The following SCGB1D1 variants were observed in gnomAD, a reference collection of about 807,000 sequenced individuals.
The protein encoded by SCGB1D1 is lipophilin A (uteroglobin family member).
A neutral mutation model predicts 8.3 loss-of-function variants in SCGB1D1; 10 were observed. That is an observed-to-expected ratio of 1.21 (90% CI 0.74 to 2.05). The LOEUF (loss-of-function observed/expected upper bound fraction) is 2.05. SCGB1D1 is among the 30% of genes most tolerant of loss of function. The probability of loss-of-function intolerance (pLI) is 0.00; values close to 1 mark genes in which losing one functional copy is unlikely to be tolerated. For synonymous variants in SCGB1D1, 46 were observed against 41.7 expected (o/e 1.10, Z -0.39); for missense variants, 94 against 105.1 (o/e 0.89, Z 0.46).
chr11:62,193,514 T>G lies in SCGB1D1; in HGVS notation c.*86T>G, dbSNP rs936629880. On this transcript the variant is annotated 3_prime_UTR_variant, in exon 3 of 3. Transcript: ENST00000306238. Reference sequence around the variant, plus strand: ...GCAGAATGTAAAGGTTTCAACGTCTTGCTCTAATAAATCACTTGCCCTGAA... The same window carrying G: ...GCAGAATGTAAAGGTTTCAACGTCTGGCTCTAATAAATCACTTGCCCTGAA... 1.7e-6 allele frequency: 2 copies of G among 1,191,656 alleles called. No individual in the cohort carries two copies. Among genetic ancestry groups the G allele is most frequent in the Admixed American group, 3.8e-5 (2 of 52,114 alleles). The allele number at this position is 1,191,656 out of a possible 1,614,324, so 73.8% of individuals were successfully genotyped here.
chr11:62,193,364 G>A (rs536771504), intron 2 of SCGB1D1, 35 bp from the exon 3 acceptor site: 27 of 1,607,294 alleles, frequency 1.7e-5, no homozygotes, highest in Middle Eastern at 1.7e-4. Context: ...CTGCATGACC[G>A]ACCTCACCTT....
Position 62,192,064 on chromosome 11 carries a change from G to A in SCGB1D1, c.64G>A (p.Val22Met), listed in dbSNP as rs1944681837. The A allele has an allele frequency of 6.3e-7, 1 of 1,597,148 alleles. No homozygotes were observed. The highest frequency in any genetic ancestry group is 8.6e-7 in the Non-Finnish European group (1 of 1,169,338). The change falls in exon 2 of 3, where the codon GTG becomes ATG. Residue 22 changes from valine (V) to methionine (M), a missense_variant. Coordinates refer to ENST00000306238, the MANE Select transcript of SCGB1D1 (RefSeq NM_006552.2). ...TTATTCTTTTGCTCCAGCAAATGCAGTGGTCTGCCAAGCTCTTGGTTCTGA... is the reference window on the plus strand; with the variant it reads ...TTATTCTTTTGCTCCAGCAAATGCAATGGTCTGCCAAGCTCTTGGTTCTGA... ...LALCCYRANAVVCQALGSEIT... is the reference protein window; with the variant it reads ...LALCCYRANAMVCQALGSEIT...
Position 62,192,076 on chromosome 11 carries a change from G to A in SCGB1D1, c.76G>A (p.Ala26Thr). ...CYRANAVVCQ[A>T]LGSEITGFLL... ...TCCAGCAAATGCAGTGGTCTGCCAA[G>A]CTCTTGGTTCTGAAATCACAGGCTT... The change falls in exon 2 of 3, where the codon GCT becomes ACT. Residue 26 changes from alanine (A) to threonine (T), a missense_variant. Coordinates refer to ENST00000306238, the MANE Select transcript of SCGB1D1 (RefSeq NM_006552.2). 6.2e-7 allele frequency: 1 copy of A among 1,609,416 alleles called. No homozygotes were observed. Among genetic ancestry groups the A allele is most frequent in the Non-Finnish European group, 8.5e-7 (1 of 1,176,592 alleles).
At chr11:62,192,982 T>TGA (rs1944690743) in intron 2 of SCGB1D1, among the ~76,000 whole-genome samples, 1 of 152,202 alleles carries the variant, frequency 6.6e-6, no homozygotes, top group Non-Finnish European at 1.5e-5. Flanking sequence ...GGCTCAGGAT[T>TGA]GAGGTGCTCA....
chr11:62,190,366 A>T, intron 1 of SCGB1D1, 27 bp downstream of exon 1: 1 of 1,614,084 alleles, frequency 6.2e-7, no homozygotes, highest in East Asian at 2.2e-5. Flanking sequence ...TGAGTCCAGC[A>T]CCAGCCCTTG....
intron 2 of SCGB1D1, among the ~76,000 whole-genome samples, chr11:62,193,166 C>T (rs963840306): frequency 3.3e-5 from 5 of 152,160 alleles, no homozygotes; most frequent in Non-Finnish European, 7.3e-5. Context: ...TCTGCTCTGT[C>T]CCCCCTCTAT....
intron 2 of SCGB1D1, 84 bp from the exon 3 acceptor site, chr11:62,193,315 C>CCATCGGCCACTGGATGGAATCCA: frequency 4.7e-6 from 6 of 1,276,978 alleles, no homozygotes; most frequent in Non-Finnish European, 6.7e-6. Flanking sequence ...GAGCAGAATT[C>CCATCGGCCACTGGATGGAATCCA]CATCGGCCAC....
intron 2 of SCGB1D1, 46 bp downstream of exon 2, chr11:62,192,289 C>A: frequency 6.5e-7 from 1 of 1,534,200 alleles, no homozygotes; most frequent in Non-Finnish European, 8.9e-7. Flanking sequence ...GTCAGCGGCA[C>A]AGTGTGAAGT....
intron 1 of SCGB1D1, among the ~76,000 whole-genome samples, chr11:62,191,708 C>T (rs755777603): frequency 2.0e-5 from 3 of 152,084 alleles, no homozygotes; most frequent in Non-Finnish European, 4.4e-5. Context: ...CACCAATGTC[C>T]AAGACTAATA....
At chr11:62,193,159 GC>G (rs1264278093) in intron 2 of SCGB1D1, among the ~76,000 whole-genome samples, 2 of 152,178 alleles carry the variant, frequency 1.3e-5, no homozygotes, top group African/African-American at 4.8e-5. Flanking sequence ...TTGCTGCTCT[GC>G]TCTGTCCCCC....
chr11:62,190,433 A>G (rs1944670045), intron 1 of SCGB1D1, 94 bp downstream of exon 1: 16 of 1,498,890 alleles, frequency 1.1e-5, no homozygotes, highest in Non-Finnish European at 1.4e-5. Context: ...TGGGGTCTGG[A>G]ACAAACCAAA....
Position 62,192,244 on chromosome 11 carries a change from G to A in SCGB1D1, c.243+1G>A, listed in dbSNP as rs773728504. ...AAGAGTGCTAATTACAAAAACATTGGTAATTTCTGTCTCTTTCATGTGTCC... is the reference window on the plus strand; with the variant it reads ...AAGAGTGCTAATTACAAAAACATTGATAATTTCTGTCTCTTTCATGTGTCC... On this transcript the variant is annotated splice_donor_variant, in intron 2 of 2. Transcript: ENST00000306238. LOFTEE classifies it high-confidence loss of function. 6.3e-7 allele frequency: 1 copy of A among 1,597,632 alleles called. No individual in the cohort carries two copies. The highest frequency in any genetic ancestry group is 1.1e-5 in the South Asian group (1 of 90,388).
At chr11:62,193,100 G>A (rs964576796) in intron 2 of SCGB1D1, among the ~76,000 whole-genome samples, 15 of 152,164 alleles carry the variant, frequency 9.9e-5, no homozygotes, top group African/African-American at 3.1e-4. Flanking sequence ...GTCTTTCATT[G>A]CGGGGAACAG....
chr11:62,192,991 C>G (rs933610777), intron 2 of SCGB1D1, among the ~76,000 whole-genome samples: 1 of 152,164 alleles, frequency 6.6e-6, no homozygotes, highest in African/African-American at 2.4e-5. Flanking sequence ...TTGAGGTGCT[C>G]AGGCCCTGAG....
At position 62,192,122 on chromosome 11, in the gene SCGB1D1, T is replaced by C. The variant is rs768907017; in HGVS notation, c.122T>C (p.Val41Ala). ...ITGFLLAGKP[V>A]FKFQLAKFKA... Reference sequence around the variant, plus strand: ...GGCTTCTTATTAGCTGGAAAACCTGTGTTCAAGTTCCAACTTGCCAAATTT... The same window carrying C: ...GGCTTCTTATTAGCTGGAAAACCTGCGTTCAAGTTCCAACTTGCCAAATTT... The change falls in exon 2 of 3, where the codon GTG becomes GCG. Residue 41 changes from valine to alanine, a missense_variant. Transcript: ENST00000306238. The C allele has an allele frequency of 1.9e-6, 3 of 1,613,730 alleles. No homozygotes were observed. Among genetic ancestry groups the C allele is most frequent in the African/African-American group, 2.7e-5 (2 of 75,064 alleles).
chr11:62,190,223 C>A lies in SCGB1D1; in HGVS notation c.-62C>A. On this transcript the variant is annotated 5_prime_UTR_variant, in exon 1 of 3. Coordinates refer to ENST00000306238, the MANE Select transcript of SCGB1D1 (RefSeq NM_006552.2). ...TGGGCTCCACGGCTCCACAGGCTCC[C>A]GGGGCTGAGTCTAAATCACTCATCA... 6.2e-7 allele frequency: 1 copy of A among 1,607,666 alleles called. No individual in the cohort carries two copies. Among genetic ancestry groups the A allele is most frequent in the Non-Finnish European group, 8.5e-7 (1 of 1,174,948 alleles).
intron 1 of SCGB1D1, among the ~76,000 whole-genome samples, chr11:62,191,027 C>G (rs908902992): frequency 1.3e-5 from 2 of 152,184 alleles, no homozygotes; most frequent in African/African-American, 2.4e-5. Flanking sequence ...GGTAGAAATA[C>G]TACAATGGTT....
chr11:62,192,098 G>A lies in SCGB1D1; in HGVS notation c.98G>A (p.Gly33Asp), dbSNP rs149421071. 1.2e-6 allele frequency: 2 copies of A among 1,612,376 alleles called. No homozygotes were observed. ...VCQALGSEIT[G>D]FLLAGKPVFK... is the part of the protein sequence containing the mutation. Reference sequence around the variant, plus strand: ...CAAGCTCTTGGTTCTGAAATCACAGGCTTCTTATTAGCTGGAAAACCTGTG... The same window carrying A: ...CAAGCTCTTGGTTCTGAAATCACAGACTTCTTATTAGCTGGAAAACCTGTG... The change falls in exon 2 of 3, where the codon GGC (glycine) becomes GAC (aspartate). Residue 33 changes from glycine (G) to aspartate (D), a missense_variant. By Grantham distance (94) the Gly-to-Asp change is moderately conservative. Coordinates refer to ENST00000306238, the MANE Select transcript of SCGB1D1 (RefSeq NM_006552.2).
intron 1 of SCGB1D1, among the ~76,000 whole-genome samples, chr11:62,191,452 A>G (rs1944677463): frequency 6.6e-6 from 1 of 152,226 alleles, no homozygotes; most frequent in African/African-American, 2.4e-5. Context: ...AATTTCCTGT[A>G]TAAGCTTCTA....
Sources: allele counts gnomAD v4.1 joint callset (sites outside exome capture counted in the v4.1 genomes callset), GRCh38; gene constraint gnomAD v4.1.1; transcripts MANE v1.5; gene names NCBI Gene and HGNC (gene_info 2026-07-23, HGNC 2026-07-21).